The following TRAPPC12 variants were observed in gnomAD, a reference collection of about 807,000 sequenced individuals.
The protein encoded by TRAPPC12 is TPR repeat protein 15.
In TRAPPC12, 61 loss-of-function variants were observed where a neutral mutation model predicts 69.2. The ratio of observed to expected loss-of-function variants is 0.88; its 90% CI spans 0.72 to 1.09. The LOEUF is 1.09. Among genes scored for constraint, TRAPPC12 ranks in the 50% least tolerant of loss-of-function variants. The pLI is 0.00. For synonymous variants in TRAPPC12, 469 were observed against 438.9 expected (o/e 1.07, Z -0.86); for missense variants, 1,101 against 1,016.4 (o/e 1.08, Z -1.13).
intron 8 of TRAPPC12, among the ~76,000 whole-genome samples, chr2:3,465,032 C>G (rs147142209): frequency 4.6e-5 from 7 of 152,356 alleles, no homozygotes; most frequent in Admixed American, 1.3e-4. Context: ...AGGTCTCATG[C>G]GTGCCGCACG....
chr2:3,478,079 C>T (rs190199084), intron 10 of TRAPPC12: 3 of 260,194 alleles, frequency 1.2e-5, no homozygotes, highest in Admixed American at 5.1e-5. Flanking sequence ...TAAAGGTCAC[C>T]ATTGCTGGCG....
intron 3 of TRAPPC12, among the ~76,000 whole-genome samples, chr2:3,412,282 T>C (rs1662105319): frequency 6.6e-6 from 1 of 152,182 alleles, no homozygotes; most frequent in African/African-American, 2.4e-5. Context: ...GGTTTGAGGC[T>C]GGACATGGTG....
At chr2:3,474,308 C>T (rs552693817) in intron 9 of TRAPPC12, among the ~76,000 whole-genome samples, 6 of 152,306 alleles carry the variant, frequency 3.9e-5, no homozygotes, top group South Asian at 2.1e-4. Flanking sequence ...CCCAGAACCT[C>T]GGCAAGTCTG....
intron 5 of TRAPPC12, among the ~76,000 whole-genome samples, chr2:3,442,467 G>A (rs923338516): frequency 6.6e-6 from 1 of 152,118 alleles, no homozygotes; most frequent in Non-Finnish European, 1.5e-5. Context: ...GTCATTATGC[G>A]GATGGTCTAG....
intron 7 of TRAPPC12, chr2:3,458,319 G>T: frequency 4.1e-6 from 4 of 986,520 alleles, no homozygotes; most frequent in Non-Finnish European, 4.8e-6. Flanking sequence ...CTCCCAGGTA[G>T]CCCCACCCTA....
At position 3,421,163 on chromosome 2, in the gene TRAPPC12, G is replaced by T. The variant is rs1662760939; in HGVS notation, c.1165-718G>T. 2.0e-5 allele frequency among the ~76,000 whole-genome samples: 3 copies of T among 152,176 alleles called. No homozygotes were observed. The South Asian group carries it at 6.2e-4, about 32-fold the overall frequency. On this transcript the variant is annotated intron_variant, in intron 3 of 11. Coordinates refer to ENST00000324266, the MANE Select transcript of TRAPPC12 (RefSeq NM_016030.6). ...AGCATCCACTTTTAGCTTCTTAAAAGGTTTAAACATTCTGATCTTATTTTC... is the reference window on the plus strand; with the variant it reads ...AGCATCCACTTTTAGCTTCTTAAAATGTTTAAACATTCTGATCTTATTTTC...
Position 3,479,511 on chromosome 2 carries a change from C to A in TRAPPC12, c.*50C>A. On this transcript the variant is annotated 3_prime_UTR_variant, in exon 12 of 12. Coordinates refer to ENST00000324266, the MANE Select transcript of TRAPPC12 (RefSeq NM_016030.6). ...AGGACCCGGGTCTTTGAAACTGTGT[C>A]TTGAAGCTAATGTATTAATGTGACA... 1 of 1,597,584 alleles carries A rather than the reference C, an allele frequency of 6.3e-7. No homozygotes were observed. Among genetic ancestry groups the A allele is most frequent in the Non-Finnish European group, 8.5e-7 (1 of 1,171,536 alleles).
chr2:3,443,808 T>A lies in TRAPPC12; in HGVS notation c.1447T>A (p.Leu483Met). 2 of 1,614,110 alleles carry A rather than the reference T, an allele frequency of 1.2e-6. No individual in the cohort carries two copies. The highest frequency in any genetic ancestry group is 1.7e-6 in the Non-Finnish European group (2 of 1,180,026). ...CATGGTCCCCTTCTCGATGCGCATC[T>A]TGCACGCGGAGCTTCAGCAGTACCT... ...GSMVPFSMRI[L>M]HAELQQYLGN... The change falls in exon 6 of 12, where the codon TTG becomes ATG. Residue 483 changes from leucine (L) to methionine (M), a missense_variant. Transcript: ENST00000324266.
In TRAPPC12 at chr2:3,387,704, G is replaced by A. The variant is rs776714649; in HGVS notation, c.81G>A (p.Gln27=). ...CTCAGCTCGCGCCTCCGGAGGAGCA[G>A]GGGTTGCTCTTCCAGGAGGAAACCA... ...HPPQLAPPEE[Q]GLLFQEETID... The change falls in exon 2 of 12, where the codon CAG becomes CAA. Residue 27 remains glutamine (Q), a synonymous_variant. Transcript: ENST00000324266. 1.9e-6 allele frequency: 3 copies of A among 1,588,654 alleles called. No homozygotes were observed. Among genetic ancestry groups the A allele is most frequent in the Non-Finnish European group, 2.6e-6 (3 of 1,167,942 alleles).
chr2:3,448,216 A>C (rs935910709), intron 6 of TRAPPC12, among the ~76,000 whole-genome samples: 1 of 152,214 alleles, frequency 6.6e-6, no homozygotes. Context: ...GCAGTGAGGC[A>C]GCGATGGAGC....
At chr2:3,453,263 A>G (rs1437227857) in intron 6 of TRAPPC12, among the ~76,000 whole-genome samples, 1 of 152,116 alleles carries the variant, frequency 6.6e-6, no homozygotes, top group Non-Finnish European at 1.5e-5. Context: ...GGCGCTAAGC[A>G]CCACCCACAC....
chr2:3,457,258 A>G (rs1665202372), intron 6 of TRAPPC12: 3 of 429,982 alleles, frequency 7.0e-6, no homozygotes, highest in Non-Finnish European at 1.4e-5. Flanking sequence ...TTGGATTCAC[A>G]TGGACAAAAA....
At chr2:3,430,213 A>G (rs1226356328) in intron 5 of TRAPPC12, among the ~76,000 whole-genome samples, 1 of 152,218 alleles carries the variant, frequency 6.6e-6, no homozygotes, top group Non-Finnish European at 1.5e-5. Context: ...TATTATGAGC[A>G]ATGGTGTTAT....
chr2:3,442,850 A>C (rs1232148612), intron 5 of TRAPPC12, among the ~76,000 whole-genome samples: 1 of 152,238 alleles, frequency 6.6e-6, no homozygotes, highest in Non-Finnish European at 1.5e-5. Context: ...CTTTCAGACT[A>C]TATTCCAGAT....
intron 2 of TRAPPC12, chr2:3,388,935 A>C (rs189342738): frequency 1.2e-4 from 47 of 402,736 alleles, no homozygotes; most frequent in African/African-American, 7.0e-4. Flanking sequence ...TCTCTCAGTC[A>C]GTTCTCCATG....
intron 5 of TRAPPC12, among the ~76,000 whole-genome samples, chr2:3,435,026 T>G (rs910519089): frequency 7.9e-5 from 12 of 152,200 alleles, no homozygotes; most frequent in Admixed American, 7.9e-4. Context: ...TATGTTCTTC[T>G]TTTTGAGATG....
intron 1 of TRAPPC12, among the ~76,000 whole-genome samples, chr2:3,385,468 CTTAA>C (rs1660448845): frequency 6.6e-5 from 10 of 151,626 alleles, no homozygotes. Context: ...AGCATTTTAC[CTTAA>C]TTTTTATTAT....
intron 3 of TRAPPC12, among the ~76,000 whole-genome samples, chr2:3,415,965 C>G (rs929941954): frequency 6.6e-6 from 1 of 152,174 alleles, no homozygotes; most frequent in African/African-American, 2.4e-5. Flanking sequence ...ATCCGCCCCC[C>G]TCAGCCTCCC....
intron 2 of TRAPPC12, among the ~76,000 whole-genome samples, chr2:3,397,251 C>G (rs1661187573): frequency 6.6e-6 from 1 of 152,186 alleles, no homozygotes; most frequent in Non-Finnish European, 1.5e-5. Flanking sequence ...TGTTTTTAGA[C>G]TTTTTAGAAT....
Sources: allele counts gnomAD v4.1 joint callset (sites outside exome capture counted in the v4.1 genomes callset), GRCh38; gene constraint gnomAD v4.1.1; transcripts MANE v1.5; gene names NCBI Gene and HGNC (gene_info 2026-07-23, HGNC 2026-07-21).